The following CNGB3 variants were observed in gnomAD, a reference collection of about 807,000 sequenced individuals.
The protein encoded by CNGB3 is cyclic nucleotide-gated channel beta-3.
A neutral mutation model predicts 92.8 loss-of-function variants in CNGB3; 86 were observed. The ratio of observed to expected loss-of-function variants is 0.93; its 90% CI spans 0.78 to 1.11. The LOEUF (loss-of-function observed/expected upper bound fraction) is 1.11, where lower values mean the gene tolerates loss of function less well. Ranked by LOEUF, CNGB3 falls within the 50% of genes least tolerant of loss-of-function variation. CNGB3 has a pLI of 0.00. For missense variants in CNGB3, 1,026 were observed against 956.8 expected (o/e 1.07, Z -0.95); for synonymous variants, 333 against 332.7 (o/e 1.00, Z -0.01).
At chr8:86,634,308 T>C (rs1823021741) in intron 10 of CNGB3, among the ~76,000 whole-genome samples, 1 of 152,178 alleles carries the variant, frequency 6.6e-6, no homozygotes, top group Admixed American at 6.5e-5. Context: ...TTGTGGTAGA[T>C]GATTTTGCTG....
chr8:86,671,258 T>C (rs189232712), intron 3 of CNGB3, among the ~76,000 whole-genome samples, 160 bp from the exon 4 acceptor site: 2 of 152,322 alleles, frequency 1.3e-5, no homozygotes, highest in Non-Finnish European at 2.9e-5. Context: ...ATGGAAATAG[T>C]GCTGGTGGAA....
At chr8:86,675,842 T>C (rs1336407868) in intron 3 of CNGB3, among the ~76,000 whole-genome samples, 1 of 152,230 alleles carries the variant, frequency 6.6e-6, no homozygotes, top group Non-Finnish European at 1.5e-5. Flanking sequence ...TATAGTAGTT[T>C]CCTTATTTCT....
In CNGB3 at chr8:86,726,674, C is replaced by A. The variant is rs757725380; in HGVS notation, c.212-17G>T. 6.2e-7 allele frequency: 1 copy of A among 1,612,888 alleles called. No homozygotes were observed. Among genetic ancestry groups the A allele is most frequent in the South Asian group, 1.1e-5 (1 of 91,048 alleles). On this transcript the variant is annotated splice_polypyrimidine_tract_variant and intron_variant, in intron 2 of 17. Coordinates refer to ENST00000320005, the MANE Select transcript of CNGB3 (RefSeq NM_019098.5). The stretch of plus-strand genomic sequence containing the variant: ...AGAGTTTGTCTATGAAAAAAAAATT[C>A]ACATAGATAGAAGAATGTACAACAC...
chr8:86,696,122 G>T (rs1044470343), intron 3 of CNGB3, among the ~76,000 whole-genome samples: 1 of 152,180 alleles, frequency 6.6e-6, no homozygotes, highest in Non-Finnish European at 1.5e-5. Context: ...TTTCTTGAAT[G>T]CTGGTTATGC....
At chr8:86,698,415 T>G (rs113885752) in intron 3 of CNGB3, among the ~76,000 whole-genome samples, 3 of 152,320 alleles carry the variant, frequency 2.0e-5, no homozygotes, top group African/African-American at 7.2e-5. Context: ...AACCTTGTAC[T>G]TGGTGGAGGC....
intron 15 of CNGB3, among the ~76,000 whole-genome samples, chr8:86,593,255 G>C (rs1446784956): frequency 6.6e-6 from 1 of 152,156 alleles, no homozygotes; most frequent in Non-Finnish European, 1.5e-5. Flanking sequence ...AACTTCTAAG[G>C]AAGGAAAGAG....
At chr8:86,721,632 T>G (rs1325940732) in intron 3 of CNGB3, among the ~76,000 whole-genome samples, 2 of 152,194 alleles carry the variant, frequency 1.3e-5, no homozygotes, top group Non-Finnish European at 2.9e-5. Flanking sequence ...TTGCTTACCA[T>G]AGAGGAAAAT....
rs191744568 is a variant in CNGB3, at chr8:86,658,549, G to T, written c.853-4487C>A. 1.4e-4 allele frequency: 48 copies of T among 344,990 alleles called. No homozygotes were observed. In the South Asian group the frequency reaches 1.4e-3, roughly 10 times the overall value. The allele number at this position is 344,990 out of a possible 1,614,324, so 21.4% of individuals were successfully genotyped here. ...GTCTGCAGCAGTAACTGCTTGTGGAGCTCCTTCTCATAGGGCACCTGCTGA... is the reference window on the plus strand; with the variant it reads ...GTCTGCAGCAGTAACTGCTTGTGGATCTCCTTCTCATAGGGCACCTGCTGA... On this transcript the variant is annotated intron_variant, in intron 6 of 17. Coordinates refer to ENST00000320005, the MANE Select transcript of CNGB3 (RefSeq NM_019098.5).
intron 15 of CNGB3, among the ~76,000 whole-genome samples, chr8:86,590,874 T>A (rs1378760792): frequency 6.6e-6 from 1 of 151,338 alleles, no homozygotes; most frequent in Admixed American, 6.6e-5. Flanking sequence ...TTCCTGAATC[T>A]GAATGTTGGC....
In CNGB3 at chr8:86,702,342, G is replaced by A. The variant is rs549828892; in HGVS notation, c.338+24189C>T. Among the ~76,000 whole-genome samples, 4 of 152,154 alleles carry A rather than the reference G, an allele frequency of 2.6e-5. No homozygotes were observed. In the East Asian group the frequency reaches 7.7e-4, roughly 29 times the overall value. ...GCTATTCTGTATTGTTCTATCATTG[G>A]GCATTTAAGATGAATACACATTTTA... On this transcript the variant is annotated intron_variant, in intron 3 of 17. Transcript: ENST00000320005.
chr8:86,627,126 T>C (rs1289050567), intron 12 of CNGB3, among the ~76,000 whole-genome samples: 3 of 152,052 alleles, frequency 2.0e-5, no homozygotes, highest in Non-Finnish European at 4.4e-5. Flanking sequence ...TTTCTTATAT[T>C]ATTTAGAAAA....
At chr8:86,711,756 C>T (rs1824754446) in intron 3 of CNGB3, among the ~76,000 whole-genome samples, 2 of 151,762 alleles carry the variant, frequency 1.3e-5, no homozygotes, top group Admixed American at 1.3e-4. Flanking sequence ...TTTTTGGCAG[C>T]ATTATTAATG....
chr8:86,627,874 C>T (rs1004036292), intron 12 of CNGB3, among the ~76,000 whole-genome samples: 1 of 152,160 alleles, frequency 6.6e-6, no homozygotes, highest in Non-Finnish European at 1.5e-5. Flanking sequence ...TTTTCTTCCG[C>T]CTCTGCTACA....
intron 16 of CNGB3, 61 bp from the exon 17 acceptor site, chr8:86,578,924 T>C: frequency 6.2e-7 from 1 of 1,603,422 alleles, no homozygotes; most frequent in East Asian, 2.2e-5. Context: ...CAAAATCTAC[T>C]AAAAAAACTG....
intron 3 of CNGB3, among the ~76,000 whole-genome samples, chr8:86,674,574 T>C (rs1823926855): frequency 1.3e-5 from 2 of 152,062 alleles, no homozygotes; most frequent in Non-Finnish European, 2.9e-5. Flanking sequence ...ACATACATCA[T>C]GAGATAAAAC....
chr8:86,662,988 C>T (rs560007608), intron 6 of CNGB3, among the ~76,000 whole-genome samples: 2 of 152,196 alleles, frequency 1.3e-5, no homozygotes, highest in South Asian at 2.1e-4. Context: ...CAAGTTAATG[C>T]TATTAGCAAA....
chr8:86,655,225 G>C (rs943975303), intron 6 of CNGB3, among the ~76,000 whole-genome samples: 1 of 152,086 alleles, frequency 6.6e-6, no homozygotes, highest in Non-Finnish European at 1.5e-5. Context: ...TCTGCCTTTA[G>C]TCTTGTTCCC....
At chr8:86,602,519 G>A (rs140114668) in intron 15 of CNGB3, among the ~76,000 whole-genome samples, 3 of 152,258 alleles carry the variant, frequency 2.0e-5, no homozygotes, top group African/African-American at 2.4e-5. Flanking sequence ...ACCCCGATCC[G>A]TGGAGACCCA....
intron 8 of CNGB3, among the ~76,000 whole-genome samples, chr8:86,646,051 G>T (rs1197777298): frequency 6.6e-6 from 1 of 150,964 alleles, no homozygotes; most frequent in Non-Finnish European, 1.5e-5. Context: ...GACATTTTAG[G>T]TTACAGAGAT....
Sources: allele counts gnomAD v4.1 joint callset (sites outside exome capture counted in the v4.1 genomes callset), GRCh38; gene constraint gnomAD v4.1.1; transcripts MANE v1.5; gene names NCBI Gene and HGNC (gene_info 2026-07-23, HGNC 2026-07-21).